Variants in HDAC8 observed in about 807,000 individuals in gnomAD.
HDAC8 encodes histone deacetylase-like 1.
A neutral mutation model predicts 32.2 loss-of-function variants in HDAC8; 1 was observed. That is an observed-to-expected ratio of 0.03 (90% CI 0.01 to 0.15). The LOEUF is 0.15. Among genes scored for constraint, HDAC8 ranks in the 10% least tolerant of loss-of-function variants. HDAC8 has a pLI of 1.00. For synonymous variants in HDAC8, 108 were observed against 113.9 expected, an observed-to-expected ratio of 0.95 and a Z score of 0.33; for missense variants, 117 against 300.0, an observed-to-expected ratio of 0.39 and a Z score of 4.51.
intron 9 of HDAC8, among the ~76,000 whole-genome samples, chrX:72,428,777 C>T (rs968222754): frequency 2.7e-5 from 3 of 111,753 alleles, no homozygotes; most frequent in Non-Finnish European, 3.8e-5. Context: ...ACAAAGATCT[C>T]CTCTCTTGTC....
intron 10 of HDAC8, among the ~76,000 whole-genome samples, chrX:72,344,212 C>G (rs782256007): frequency 1.8e-5 from 2 of 108,645 alleles, no homozygotes; most frequent in African/African-American, 3.3e-5. Context: ...GCATGTATTA[C>G]TTTTTTTTTT....
At chrX:72,538,184 T>C (rs1416603106) in intron 4 of HDAC8, among the ~76,000 whole-genome samples, 2 of 109,225 alleles carry the variant, frequency 1.8e-5, no homozygotes, top group African/African-American at 6.7e-5. Flanking sequence ...GTTTTGTTTT[T>C]CTTTTTTTTT....
intron 4 of HDAC8, among the ~76,000 whole-genome samples, chrX:72,510,196 C>T (rs1351758434): frequency 8.9e-6 from 1 of 111,893 alleles, no homozygotes; most frequent in Non-Finnish European, 1.9e-5. Context: ...TGACCTAGCA[C>T]GTTTGGATTT....
At chrX:72,451,487 G>A (rs1336560425) in intron 9 of HDAC8, among the ~76,000 whole-genome samples, 3 of 112,325 alleles carry the variant, frequency 2.7e-5, no homozygotes, top group Non-Finnish European at 3.7e-5. Context: ...ATGGGCCACC[G>A]TGCCTAGCCC....
intron 4 of HDAC8, among the ~76,000 whole-genome samples, chrX:72,520,592 T>G (rs951289491): frequency 4.3e-4 from 48 of 112,350 alleles, no homozygotes; most frequent in African/African-American, 1.4e-3. Flanking sequence ...CACTTCATCA[T>G]GCATCTCCTA....
rs1405397110 is a variant in HDAC8 at position 72,548,056 on chromosome X, T to A, written c.437+19833A>T. Among the ~76,000 whole-genome samples the A allele has an allele frequency of 4.5e-5, 5 of 111,852 alleles. No individual in the cohort carries two copies. The East Asian group carries it at 1.4e-3, about 31-fold the overall frequency. On this transcript the variant is annotated intron_variant, in intron 4 of 10. Coordinates refer to ENST00000373573, the MANE Select transcript of HDAC8 (RefSeq NM_018486.3). ...ATTTTTCAGTGGGACTGTGATACCT[T>A]AAGCGGTCTCCCTACGTTCAGCCTA...
intron 9 of HDAC8, among the ~76,000 whole-genome samples, chrX:72,457,830 T>A (rs2047760552): frequency 8.9e-6 from 1 of 112,106 alleles, no homozygotes; most frequent in Non-Finnish European, 1.9e-5. Flanking sequence ...TGTTTTTTTA[T>A]TAGTAACATA....
intron 7 of HDAC8, chrX:72,473,864 A>C (rs2048254209): frequency 1.3e-6 from 1 of 752,988 alleles, no homozygotes. Context: ...ATATGGTACA[A>C]ATTTTCATAG....
chrX:72,348,032 G>A (rs1408129760), intron 10 of HDAC8, among the ~76,000 whole-genome samples: 1 of 112,110 alleles, frequency 8.9e-6, no homozygotes, highest in Non-Finnish European at 1.9e-5. Context: ...TCATCCTGTA[G>A]CATGCGGAAC....
intron 9 of HDAC8, among the ~76,000 whole-genome samples, chrX:72,431,420 C>T (rs1555977374): frequency 8.9e-6 from 1 of 111,851 alleles, no homozygotes; most frequent in Non-Finnish European, 1.9e-5. Flanking sequence ...TTTCCCCAAC[C>T]CTCTCTGTTG....
chrX:72,469,588 T>C (rs1434764575), intron 7 of HDAC8, among the ~76,000 whole-genome samples: 4 of 112,202 alleles, frequency 3.6e-5, no homozygotes, highest in African/African-American at 1.3e-4. Context: ...CCTTAAACCC[T>C]TGGATGAACC....
chrX:72,413,582 G>C (rs2147905736), intron 9 of HDAC8, among the ~76,000 whole-genome samples: 1 of 110,772 alleles, frequency 9.0e-6, no homozygotes, highest in East Asian at 2.9e-4. Flanking sequence ...TTGAATTGTA[G>C]TTCCCATAAT....
intron 10 of HDAC8, among the ~76,000 whole-genome samples, chrX:72,337,794 G>GC (rs782504935): frequency 3.8e-4 from 43 of 111,861 alleles, no homozygotes; most frequent in African/African-American, 1.2e-3. Flanking sequence ...ACCTGCAGGG[G>GC]CCGGTCCCTT....
chrX:72,369,555 G>A (rs2044805649), intron 9 of HDAC8, among the ~76,000 whole-genome samples: 2 of 112,120 alleles, frequency 1.8e-5, no homozygotes, highest in South Asian at 7.4e-4. Context: ...GCAGCAGAAG[G>A]GCAGACAAGC....
chrX:72,550,158 G>A (rs1031806179), intron 4 of HDAC8, among the ~76,000 whole-genome samples: 5 of 111,330 alleles, frequency 4.5e-5, no homozygotes, highest in East Asian at 2.8e-4. Context: ...TTTTTTGGTC[G>A]TGGAAAATTC....
At chrX:72,544,729 G>A (rs1461158644) in intron 4 of HDAC8, among the ~76,000 whole-genome samples, 1 of 111,789 alleles carries the variant, frequency 8.9e-6, no homozygotes, top group Non-Finnish European at 1.9e-5. Flanking sequence ...TATTGCCCAA[G>A]AACTATGGAA....
At chrX:72,340,742 C>A (rs1310280133) in intron 10 of HDAC8, among the ~76,000 whole-genome samples, 1 of 111,614 alleles carries the variant, frequency 9.0e-6, no homozygotes, top group Non-Finnish European at 1.9e-5. Context: ...CTGACTGAGC[C>A]AACAAGTAAT....
intron 9 of HDAC8, among the ~76,000 whole-genome samples, chrX:72,366,601 T>G (rs1469620066): frequency 8.9e-6 from 1 of 112,313 alleles, no homozygotes; most frequent in African/African-American, 3.2e-5. Flanking sequence ...GGGTGGGAAC[T>G]GGGCCTTATT....
chrX:72,550,641 A>C (rs1304276625), intron 4 of HDAC8, among the ~76,000 whole-genome samples: 1 of 111,432 alleles, frequency 9.0e-6, no homozygotes, highest in Non-Finnish European at 1.9e-5. Context: ...TATAATGTCC[A>C]TCAACAAGTT....
Sources: gnomAD v4.1 joint callset for allele counts (sites outside exome capture counted in the v4.1 genomes callset) on GRCh38, gnomAD v4.1.1 for gene constraint, MANE v1.5 for transcripts, NCBI Gene and HGNC (gene_info 2026-07-23, HGNC 2026-07-21) for gene names.